KDM1B: variants seen among roughly 807,000 people sequenced by gnomAD.
KDM1B encodes lysine-specific histone demethylase 2.
In KDM1B, 63 loss-of-function variants were observed where a neutral mutation model predicts 107.4. That is an observed-to-expected ratio of 0.59 (90% CI 0.48 to 0.72). The LOEUF is 0.72. KDM1B is among the 30% of genes least tolerant of loss of function. The probability of loss-of-function intolerance (pLI) is 0.00; values close to 1 mark genes in which losing one functional copy is unlikely to be tolerated. For missense variants in KDM1B, 749 were observed against 1,020.8 expected (o/e 0.73, Z 3.63); for synonymous variants, 363 against 363.9 (o/e 1.00, Z 0.03).
Position 18,208,603 on chromosome 6 carries a change from G to GTGTGTGTATATATATATATATATATA in KDM1B, c.1866+398_1866+399insGTGTGTATATATATATATATATATAT, listed in dbSNP as rs1359166965. On this transcript the variant is annotated intron_variant, in intron 17 of 21. Transcript: ENST00000650836. The stretch of plus-strand genomic sequence containing the variant: ...TAGGGTTAAATAGAAGTATGTGTAT[G>GTGTGTGTATATATATATATATATATA]TATATATATATATATATATATATAT... 1.8e-3 allele frequency among the ~76,000 whole-genome samples: 64 copies of GTGTGTGTATATATATATATATATATA among 34,918 alleles called. 3 individuals carry two copies. The highest frequency in any genetic ancestry group is 3.2e-3 in the East Asian group (3 of 944). 22.9% of individuals were successfully genotyped at this position (34,918 alleles called of 152,430 possible). A position where few individuals can be genotyped will look rare whatever the true frequency, so the allele number is the denominator to read the frequency against.
chr6:18,217,527 T>C (rs566530411), intron 20 of KDM1B, among the ~76,000 whole-genome samples: 39 of 152,028 alleles, frequency 2.6e-4, no homozygotes, highest in South Asian at 8.3e-4. Flanking sequence ...TACAGGCGCC[T>C]GCCATCATGC....
chr6:18,201,740 C>G lies in KDM1B; in HGVS notation c.1531+83C>G. 8.4e-7 allele frequency: 1 copy of G among 1,195,836 alleles called. No homozygotes were observed. The highest frequency in any genetic ancestry group is 1.2e-6 in the Non-Finnish European group (1 of 861,124). 74.1% of individuals were successfully genotyped at this position (1,195,836 alleles called of 1,614,324 possible). ...CATCAGCAGTGGCATTGTTCATTTG[C>G]GAGGTCGGATGTCGGCAACAGGGTA... On this transcript the variant is annotated intron_variant, in intron 14 of 21. Coordinates refer to ENST00000650836, the MANE Select transcript of KDM1B (RefSeq NM_001364614.2). The surrounding 1 kb of genome is among the most constrained non-coding windows in gnomAD (Gnocchi z 4.3).
chr6:18,161,428 T>C lies in KDM1B; in HGVS notation c.189T>C (p.Pro63=). ...CEKAGCTATC[P]VCFASASERC... ...AGGCAGGCTGTACGGCAACATGTCC[T>C]GTGTGCTTTGCAAGTGCTTCTGAAA... Residue 63 remains proline (P), a synonymous_variant, in exon 4 of 22, where the codon CCT becomes CCC. Coordinates refer to ENST00000650836, the MANE Select transcript of KDM1B (RefSeq NM_001364614.2). The C allele has an allele frequency of 1.9e-6, 3 of 1,614,098 alleles. No individual in the cohort carries two copies. Among genetic ancestry groups the C allele is most frequent in the Non-Finnish European group, 2.5e-6 (3 of 1,179,996 alleles).
intron 7 of KDM1B, among the ~76,000 whole-genome samples, chr6:18,179,464 T>C (rs191320858): frequency 7.0e-4 from 107 of 152,316 alleles, no homozygotes; most frequent in African/African-American, 2.4e-3. Context: ...ATTACTTCTT[T>C]TTTTGTGTTT....
At position 18,212,622 on chromosome 6, in the gene KDM1B, A is replaced by C; in HGVS notation, c.1983+18A>C. 31 of 1,462,594 alleles carry C rather than the reference A, an allele frequency of 2.1e-5. No individual in the cohort carries two copies. Among genetic ancestry groups the C allele is most frequent in the Non-Finnish European group, 2.6e-5 (27 of 1,041,756 alleles). 90.6% of individuals were successfully genotyped at this position (1,462,594 alleles called of 1,614,324 possible). On this transcript the variant is annotated intron_variant, in intron 18 of 21. Transcript: ENST00000650836. This position sits in a 1 kb window ranked among gnomAD's most constrained non-coding sequence, Gnocchi z 5.2. The stretch of plus-strand genomic sequence containing the variant: ...TTGAAAAGGTGACTGAAATGACCTC[A>C]TCCTCAGCAAGAAAGAGATTAATGT...
At chr6:18,173,499 T>C (rs937660281) in intron 7 of KDM1B, among the ~76,000 whole-genome samples, 1 of 152,316 alleles carries the variant, frequency 6.6e-6, no homozygotes, top group East Asian at 1.9e-4. Context: ...GAATTTTCCA[T>C]TTTGAAGTGT....
Position 18,161,433 on chromosome 6 carries a change from G to A in KDM1B, c.194G>A (p.Cys65Tyr). ...GGCTGTACGGCAACATGTCCTGTGT[G>A]CTTTGCAAGTGCTTCTGAAAGGTCT... ...KAGCTATCPV[C>Y]FASASERCAK... Residue 65 changes from cysteine (C) to tyrosine (Y), a missense_variant, in exon 4 of 22, where the codon TGC (cysteine) becomes TAC (tyrosine). By Grantham distance (194) the Cys-to-Tyr change is radical (BLOSUM62 -2). Transcript: ENST00000650836. 6.2e-7 allele frequency: 1 copy of A among 1,614,020 alleles called. No individual in the cohort carries two copies. The highest frequency in any genetic ancestry group is 8.5e-7 in the Non-Finnish European group (1 of 1,179,998).
At chr6:18,193,109 C>T (rs1206142497) in intron 10 of KDM1B, among the ~76,000 whole-genome samples, 2 of 148,884 alleles carry the variant, frequency 1.3e-5, no homozygotes, top group Non-Finnish European at 3.0e-5. Flanking sequence ...GCAGGAGAAT[C>T]GCTTGAACCC....
intron 15 of KDM1B, among the ~76,000 whole-genome samples, chr6:18,206,539 C>A (rs1788386989): frequency 6.6e-6 from 1 of 152,114 alleles, no homozygotes; most frequent in South Asian, 2.1e-4. Flanking sequence ...AGAAATCAAT[C>A]ACTCCAAAGG....
intron 7 of KDM1B, among the ~76,000 whole-genome samples, chr6:18,174,063 C>T (rs1321814098): frequency 1.3e-5 from 2 of 152,112 alleles, no homozygotes; most frequent in African/African-American, 2.4e-5. Context: ...GGATTACAGG[C>T]GTGAGCCACT....
rs535603331 is a variant in KDM1B, at chr6:18,223,126, A to T, written c.*1134A>T. On this transcript the variant is annotated 3_prime_UTR_variant, in exon 22 of 22. Coordinates refer to ENST00000650836, the MANE Select transcript of KDM1B (RefSeq NM_001364614.2). ...TCTTCAGGATGCCTATTTTGCCAAG[A>T]AACTTCAGTATACAGGTTAGAAATA... is the stretch of plus-strand genomic sequence containing the variant. 2 of 152,714 alleles carry T rather than the reference A, an allele frequency of 1.3e-5. No homozygotes were observed. Among genetic ancestry groups the T allele is most frequent in the East Asian group, 3.8e-4 (2 of 5,196 alleles). 9.5% of individuals were successfully genotyped at this position (152,714 alleles called of 1,614,324 possible). A position where few individuals can be genotyped will look rare whatever the true frequency, so the allele number is the denominator to read the frequency against.
At chr6:18,193,625 C>T (rs1469182584) in intron 10 of KDM1B, among the ~76,000 whole-genome samples, 3 of 151,974 alleles carry the variant, frequency 2.0e-5, no homozygotes, top group Non-Finnish European at 4.4e-5. Context: ...TTTTAAACTT[C>T]ATGAATACAA....
Position 18,215,123 on chromosome 6 carries a change from G to A in KDM1B, c.2226G>A (p.Lys742=), listed in dbSNP as rs767756182. 5 of 1,612,066 alleles carry A rather than the reference G, an allele frequency of 3.1e-6. No homozygotes were observed. In the South Asian group the frequency reaches 5.5e-5, roughly 18 times the overall value. Residue 742 remains lysine (K), a synonymous_variant, in exon 20 of 22, where the codon AAG becomes AAA. Transcript: ENST00000650836. The part of the protein sequence containing the change: ...QCMATLRELF[K]EQEVPDPTKY... ...TGGCCACGCTCCGGGAGCTGTTCAA[G>A]GAGCAGGTGAGAGAGAGGAAGCCCT...
chr6:18,207,342 C>T (rs1788450949), intron 15 of KDM1B, 56 bp from the exon 16 acceptor site: 5 of 1,593,462 alleles, frequency 3.1e-6, no homozygotes, highest in South Asian at 1.1e-5. Flanking sequence ...TATTGGCTCT[C>T]AGGCACAGGC....
chr6:18,194,329 C>G (rs558076918), intron 10 of KDM1B, among the ~76,000 whole-genome samples: 18 of 152,210 alleles, frequency 1.2e-4, no homozygotes, highest in East Asian at 1.9e-4. Flanking sequence ...GTTCCCCCAT[C>G]CCCCCAACCA....
rs766042087 is a variant in KDM1B at position 18,159,789 on chromosome 6, C to T, written c.-13-94C>T. 4.4e-6 allele frequency: 3 copies of T among 675,650 alleles called. No individual in the cohort carries two copies. Among genetic ancestry groups the T allele is most frequent in the African/African-American group, 1.8e-5 (1 of 54,152 alleles). The allele number at this position is 675,650 out of a possible 1,614,324, so 41.9% of individuals were successfully genotyped here. A position where few individuals can be genotyped will look rare whatever the true frequency, so the allele number is the denominator to read the frequency against. On this transcript the variant is annotated intron_variant, in intron 2 of 21. Coordinates refer to ENST00000650836, the MANE Select transcript of KDM1B (RefSeq NM_001364614.2). This position sits in a 1 kb window ranked among gnomAD's most constrained non-coding sequence, Gnocchi z 4.5. ...CTTTGTATTTAGGCAATCTGACATACATTCTTACCTACCAAAGTGTATAAT... is the reference window on the plus strand; with the variant it reads ...CTTTGTATTTAGGCAATCTGACATATATTCTTACCTACCAAAGTGTATAAT...
At chr6:18,178,239 C>A (rs537096856) in intron 7 of KDM1B, among the ~76,000 whole-genome samples, 149 of 147,248 alleles carry the variant, frequency 1.0e-3, no homozygotes, top group African/African-American at 3.6e-3. Flanking sequence ...CCCACCACCA[C>A]GCCCAGCTAA....
intron 2 of KDM1B, among the ~76,000 whole-genome samples, chr6:18,158,928 A>G (rs1217977569): frequency 6.6e-6 from 1 of 152,088 alleles, no homozygotes; most frequent in African/African-American, 2.4e-5. Context: ...GGTTTTCTTG[A>G]TATTTATTTG....
rs186259762 is a variant in KDM1B, at chr6:18,186,647, A to G, written c.573+837A>G. On this transcript the variant is annotated intron_variant, in intron 8 of 21. Coordinates refer to ENST00000650836, the MANE Select transcript of KDM1B (RefSeq NM_001364614.2). The surrounding 1 kb of genome is among the most constrained non-coding windows in gnomAD (Gnocchi z 5.6). The stretch of plus-strand genomic sequence containing the variant: ...CTGAGACTAGGTAATTTATGAAGGA[A>G]AGAGGGTTAACTGACTCACAGTTCT... Among the ~76,000 whole-genome samples, 19 of 152,236 alleles carry G rather than the reference A, an allele frequency of 1.2e-4. No homozygotes were observed. The highest frequency in any genetic ancestry group is 7.4e-5 in the Non-Finnish European group (5 of 68,012).
Sources: allele counts gnomAD v4.1 joint callset (sites outside exome capture counted in the v4.1 genomes callset), GRCh38; gene constraint gnomAD v4.1.1; non-coding constraint Gnocchi (gnomAD v3.1); transcripts MANE v1.5; gene names NCBI Gene and HGNC (gene_info 2026-07-23, HGNC 2026-07-21).